Variants in LRRIQ3 observed in about 807,000 individuals in gnomAD.
The protein encoded by LRRIQ3 is leucine rich repeats and IQ motif containing 3, also known as leucine-rich repeat and IQ domain-containing protein 3.
In LRRIQ3, 75 loss-of-function variants were observed where a neutral mutation model predicts 59.3. The observed-to-expected ratio is 1.26, with a 90% CI of 1.05 to 1.53. The LOEUF is 1.53. Ranked by LOEUF, LRRIQ3 falls within the 40% of genes most tolerant of loss-of-function variation. The pLI is 0.00. For synonymous variants in LRRIQ3, 250 were observed against 231.3 expected (o/e 1.08, Z -0.73); for missense variants, 831 against 710.0 (o/e 1.17, Z -1.94).
intron 5 of LRRIQ3, among the ~76,000 whole-genome samples, chr1:74,089,628 G>C (rs1269086419): frequency 6.6e-6 from 1 of 152,016 alleles, no homozygotes; most frequent in Admixed American, 6.6e-5. Context: ...TATATTAAAT[G>C]CCAAGAATAG....
At chr1:74,040,487 C>T (rs550624559) in intron 7 of LRRIQ3, among the ~76,000 whole-genome samples, 4 of 152,208 alleles carry the variant, frequency 2.6e-5, no homozygotes, top group Non-Finnish European at 5.9e-5. Context: ...ACAGAATATA[C>T]ATTCTTCTCA....
chr1:74,189,711 T>A (rs1650635590), intron 1 of LRRIQ3, among the ~76,000 whole-genome samples: 1 of 152,042 alleles, frequency 6.6e-6, no homozygotes, highest in African/African-American at 2.4e-5. Flanking sequence ...GAGCTGATGG[T>A]TTTATAAGGG....
intron 3 of LRRIQ3, among the ~76,000 whole-genome samples, chr1:74,176,128 G>A (rs1016089647): frequency 6.6e-6 from 1 of 151,902 alleles, no homozygotes; most frequent in Non-Finnish European, 1.5e-5. Context: ...GCTTCCTTTA[G>A]CTATTATTTT....
chr1:74,045,829 C>T (rs1164488008), intron 6 of LRRIQ3, among the ~76,000 whole-genome samples: 1 of 151,282 alleles, frequency 6.6e-6, no homozygotes, highest in African/African-American at 2.4e-5. Flanking sequence ...AGACAAACAG[C>T]CAATTCATGA....
At chr1:74,038,181 C>T (rs1180734166) in intron 7 of LRRIQ3, among the ~76,000 whole-genome samples, 1 of 152,192 alleles carries the variant, frequency 6.6e-6, no homozygotes, top group African/African-American at 2.4e-5. Context: ...GCCCAACACA[C>T]CGGCTGTGGC....
chr1:74,034,021 A>G (rs1653796040), intron 7 of LRRIQ3, among the ~76,000 whole-genome samples: 1 of 151,596 alleles, frequency 6.6e-6, no homozygotes, highest in Admixed American at 6.6e-5. Context: ...ATGCTTAAAT[A>G]CTCCTGTGGG....
At chr1:74,129,888 T>G (rs1646987276) in intron 4 of LRRIQ3, among the ~76,000 whole-genome samples, 1 of 151,998 alleles carries the variant, frequency 6.6e-6, no homozygotes, top group African/African-American at 2.4e-5. Flanking sequence ...GTCCAAGAGC[T>G]AGGTCCTGGA....
At chr1:74,141,982 TACACAC>T (rs66546682) in intron 4 of LRRIQ3, among the ~76,000 whole-genome samples, 347 of 150,494 alleles carry the variant, frequency 2.3e-3, no homozygotes, top group African/African-American at 6.7e-3. Flanking sequence ...ATTCCATTTA[TACACAC>T]ACACACACAC....
intron 6 of LRRIQ3, among the ~76,000 whole-genome samples, chr1:74,074,209 C>T (rs779746940): frequency 6.6e-6 from 1 of 152,072 alleles, no homozygotes; most frequent in African/African-American, 2.4e-5. Context: ...CATAAAGTAA[C>T]CTTCTGAATA....
chr1:74,155,431 A>G (rs1160262207), intron 4 of LRRIQ3, among the ~76,000 whole-genome samples: 3 of 152,242 alleles, frequency 2.0e-5, no homozygotes, highest in African/African-American at 7.2e-5. Flanking sequence ...TAAATAAAAT[A>G]TAAAATCTTC....
chr1:74,124,525 G>C (rs1045018368), intron 4 of LRRIQ3, among the ~76,000 whole-genome samples: 2 of 151,844 alleles, frequency 1.3e-5, no homozygotes, highest in Non-Finnish European at 2.9e-5. Flanking sequence ...CCATTTTGAT[G>C]TGATTTTTCT....
At chr1:74,128,079 G>A (rs1298501333) in intron 4 of LRRIQ3, among the ~76,000 whole-genome samples, 1 of 151,902 alleles carries the variant, frequency 6.6e-6, no homozygotes, top group East Asian at 1.9e-4. Context: ...TGCAAAGTCT[G>A]TTGCCAGATA....
intron 4 of LRRIQ3, among the ~76,000 whole-genome samples, chr1:74,124,663 C>G (rs891678569): frequency 6.6e-6 from 1 of 151,846 alleles, no homozygotes; most frequent in Non-Finnish European, 1.5e-5. Flanking sequence ...AAAATCAGTT[C>G]ACTGTAGATA....
intron 4 of LRRIQ3, among the ~76,000 whole-genome samples, chr1:74,138,086 T>C (rs1232758194): frequency 6.7e-6 from 1 of 150,058 alleles, no homozygotes; most frequent in Non-Finnish European, 1.5e-5. Flanking sequence ...GAACTTAAAG[T>C]ATAATTTTAA....
intron 3 of LRRIQ3, among the ~76,000 whole-genome samples, chr1:74,162,681 T>A (rs1014619820): frequency 6.6e-6 from 1 of 151,820 alleles, no homozygotes; most frequent in Non-Finnish European, 1.5e-5. Context: ...TAAATGCATA[T>A]TGTACTTATA....
At chr1:74,120,319 T>C (rs1646835699) in intron 4 of LRRIQ3, among the ~76,000 whole-genome samples, 1 of 152,086 alleles carries the variant, frequency 6.6e-6, no homozygotes, top group Non-Finnish European at 1.5e-5. Flanking sequence ...GATTTCACTA[T>C]GTTGGCCAGG....
At chr1:74,034,831 C>T (rs1164550740) in intron 7 of LRRIQ3, among the ~76,000 whole-genome samples, 1 of 151,856 alleles carries the variant, frequency 6.6e-6, no homozygotes, top group African/African-American at 2.4e-5. Context: ...CTTTCTAGCA[C>T]AGGCTTTTAA....
At chr1:74,146,233 T>C (rs1647561358) in intron 4 of LRRIQ3, among the ~76,000 whole-genome samples, 1 of 152,116 alleles carries the variant, frequency 6.6e-6, no homozygotes. Flanking sequence ...CATTAAGCAA[T>C]GCATGACTGT....
intron 4 of LRRIQ3, among the ~76,000 whole-genome samples, chr1:74,112,911 T>C (rs1340696177): frequency 6.6e-6 from 1 of 152,118 alleles, no homozygotes; most frequent in African/African-American, 2.4e-5. Context: ...AAAATGTTAT[T>C]AGGCAAAGAA....
Sources: allele counts gnomAD v4.1 joint callset (sites outside exome capture counted in the v4.1 genomes callset), GRCh38; gene constraint gnomAD v4.1.1; transcripts MANE v1.5; gene names NCBI Gene and HGNC (gene_info 2026-07-23, HGNC 2026-07-21).